The following RASEF variants were observed in gnomAD, a reference collection of about 807,000 sequenced individuals.
RASEF encodes RAS and EF-hand domain containing.
In RASEF, 68 loss-of-function variants were observed where a neutral mutation model predicts 90.1. The ratio of observed to expected loss-of-function variants is 0.75; its 90% CI spans 0.62 to 0.92. The LOEUF (loss-of-function observed/expected upper bound fraction) is 0.92, where lower values mean the gene tolerates loss of function less well. RASEF is among the 40% of genes least tolerant of loss of function. RASEF has a pLI of 0.00. For missense variants in RASEF, 949 were observed against 937.2 expected (o/e 1.01, Z -0.16); for synonymous variants, 331 against 345.2 (o/e 0.96, Z 0.46).
intron 16 of RASEF, among the ~76,000 whole-genome samples, chr9:82,985,011 A>T (rs1828685871): frequency 6.6e-6 from 1 of 152,190 alleles, no homozygotes; most frequent in Non-Finnish European, 1.5e-5. Flanking sequence ...AGAAAAGGAG[A>T]TTCCAGATGC....
At chr9:83,142,957 G>C in the RASEF span, among the ~76,000 whole-genome samples, 1 of 152,110 alleles carries the variant, frequency 6.6e-6, no homozygotes, top group Non-Finnish European at 1.5e-5. Context: ...ATGGGATCCC[G>C]AGTGAAAGTT....
At chr9:83,026,087 GA>G (rs1345907408) in intron 1 of RASEF, among the ~76,000 whole-genome samples, 166 bp from the exon 2 acceptor site, 1 of 152,184 alleles carries the variant, frequency 6.6e-6, no homozygotes, top group Admixed American at 6.5e-5. Context: ...GATATGGTTG[GA>G]TTTTTCCCCA....
At chr9:83,111,901 T>G in the RASEF span, among the ~76,000 whole-genome samples, 3 of 151,972 alleles carry the variant, frequency 2.0e-5, no homozygotes, top group African/African-American at 7.2e-5. Context: ...CAAAATTAAA[T>G]AATACTTGTA....
the RASEF span, among the ~76,000 whole-genome samples, chr9:83,100,334 A>AG: frequency 6.6e-6 from 1 of 152,220 alleles, no homozygotes; most frequent in Non-Finnish European, 1.5e-5. Context: ...TCAGAGCCCA[A>AG]GATGAAGCTA....
At chr9:82,994,322 C>T (rs1176614370) in intron 14 of RASEF, among the ~76,000 whole-genome samples, 1 of 152,080 alleles carries the variant, frequency 6.6e-6, no homozygotes, top group Non-Finnish European at 1.5e-5. Context: ...TTCAGTAAGC[C>T]CAAGAATCCA....
chr9:83,199,968 T>C, the RASEF span, among the ~76,000 whole-genome samples: 1 of 152,144 alleles, frequency 6.6e-6, no homozygotes, highest in African/African-American at 2.4e-5. Flanking sequence ...GGTAGGCCTG[T>C]CTGTTGGTAT....
chr9:83,187,282 T>G, the RASEF span, among the ~76,000 whole-genome samples: 11 of 152,186 alleles, frequency 7.2e-5, no homozygotes, highest in Non-Finnish European at 1.5e-4. Context: ...ATACTATACT[T>G]TTATTTTCCT....
the RASEF span, among the ~76,000 whole-genome samples, chr9:83,088,943 C>T: frequency 6.6e-6 from 1 of 152,114 alleles, no homozygotes; most frequent in African/African-American, 2.4e-5. Flanking sequence ...ATAGATGTTA[C>T]ATGTGCCATT....
At chr9:83,162,650 T>A in the RASEF span, among the ~76,000 whole-genome samples, 1 of 152,086 alleles carries the variant, frequency 6.6e-6, no homozygotes, top group South Asian at 2.1e-4. Flanking sequence ...TCTTCTTAGG[T>A]CTGTATGAGA....
the RASEF span, among the ~76,000 whole-genome samples, chr9:83,164,347 G>GTATATATA: frequency 4.6e-5 from 6 of 129,976 alleles, no homozygotes; most frequent in Non-Finnish European, 8.2e-5. Flanking sequence ...GTATATGTGT[G>GTATATATA]TATATATATA....
chr9:83,100,459 T>C, the RASEF span, among the ~76,000 whole-genome samples: 1 of 152,214 alleles, frequency 6.6e-6, no homozygotes, highest in Non-Finnish European at 1.5e-5. Context: ...TACATGGTGA[T>C]CATCTGTTCT....
the RASEF span, among the ~76,000 whole-genome samples, chr9:83,075,128 C>A: frequency 6.6e-6 from 1 of 152,120 alleles, no homozygotes; most frequent in Non-Finnish European, 1.5e-5. Context: ...TATTGGTAGG[C>A]CTCTTTTTAG....
chr9:83,156,283 A>T, the RASEF span, among the ~76,000 whole-genome samples: 1 of 152,194 alleles, frequency 6.6e-6, no homozygotes, highest in African/African-American at 2.4e-5. Flanking sequence ...CAGGAATTCC[A>T]CAAAAATGTG....
the RASEF span, among the ~76,000 whole-genome samples, chr9:83,194,365 T>A: frequency 8.1e-4 from 124 of 152,346 alleles, no homozygotes; most frequent in Middle Eastern, 6.8e-3. Flanking sequence ...GTTTGTCTAA[T>A]GCTTTCTGCA....
chr9:83,211,625 ATGG>A, the RASEF span, among the ~76,000 whole-genome samples: 1 of 152,160 alleles, frequency 6.6e-6, no homozygotes, highest in Non-Finnish European at 1.5e-5. Flanking sequence ...TGAAGACCAT[ATGG>A]TTTCAGCTTT....
the RASEF span, among the ~76,000 whole-genome samples, chr9:83,174,027 T>G: frequency 6.6e-6 from 1 of 151,856 alleles, no homozygotes; most frequent in African/African-American, 2.4e-5. Flanking sequence ...TTAAGTGGTA[T>G]GGGTTCTTTT....
At chr9:83,111,642 C>A in the RASEF span, among the ~76,000 whole-genome samples, 1 of 151,620 alleles carries the variant, frequency 6.6e-6, no homozygotes, top group Admixed American at 6.6e-5. Flanking sequence ...TCAATTATAC[C>A]TCAATAAAGT....
At chr9:82,995,197 T>A (rs780407341) in intron 14 of RASEF, among the ~76,000 whole-genome samples, 1 of 152,256 alleles carries the variant, frequency 6.6e-6, no homozygotes, top group African/African-American at 2.4e-5. Context: ...AGTGGGCCAC[T>A]CTACATAAGG....
At chr9:83,100,041 A>G in the RASEF span, among the ~76,000 whole-genome samples, 1 of 152,240 alleles carries the variant, frequency 6.6e-6, no homozygotes, top group African/African-American at 2.4e-5. Context: ...GTGCATTAAA[A>G]GTGAATGTCT....
Sources: gnomAD v4.1 joint callset for allele counts (sites outside exome capture counted in the v4.1 genomes callset) on GRCh38, gnomAD v4.1.1 for gene constraint, MANE v1.5 for transcripts, NCBI Gene and HGNC (gene_info 2026-07-23, HGNC 2026-07-21) for gene names.